Variants in COL4A1 observed in about 807,000 individuals in gnomAD.
The protein encoded by COL4A1 is collagen alpha-1(IV) chain.
COL4A1 carries 40 observed loss-of-function variants against 216.6 expected under a neutral mutation model. The observed-to-expected ratio is 0.18, with a 90% CI of 0.14 to 0.24. COL4A1 has a LOEUF of 0.24. COL4A1 is among the 10% of genes least tolerant of loss of function. COL4A1 has a pLI of 1.00. For synonymous variants in COL4A1, 839 were observed against 810.7 expected (o/e 1.03, Z -0.59); for missense variants, 1,628 against 2,196.8 (o/e 0.74, Z 5.18).
chr13:110,273,850 TC>T (rs1375425701), intron 1 of COL4A1, among the ~76,000 whole-genome samples: 2 of 152,220 alleles, frequency 1.3e-5, no homozygotes, highest in Non-Finnish European at 2.9e-5. Flanking sequence ...CAGACGCGCA[TC>T]TGCCAAAAGA....
intron 43 of COL4A1, 31 bp downstream of exon 43, chr13:110,169,598 A>G (rs1305299661): frequency 6.2e-7 from 1 of 1,613,396 alleles, no homozygotes; most frequent in African/African-American, 1.3e-5. Context: ...AGACTCCTTT[A>G]AAAATAAAAA....
At chr13:110,154,553 C>T (rs1876673723) in intron 50 of COL4A1, among the ~76,000 whole-genome samples, 3 of 152,238 alleles carry the variant, frequency 2.0e-5, no homozygotes, top group Admixed American at 2.0e-4. Flanking sequence ...TCCTCCTTTC[C>T]CTGAAAGAGG....
chr13:110,290,995 C>G (rs1262893112), intron 1 of COL4A1, among the ~76,000 whole-genome samples: 3 of 152,190 alleles, frequency 2.0e-5, no homozygotes, highest in African/African-American at 4.8e-5. Context: ...GCACTTGGAC[C>G]AGCACAGAGG....
chr13:110,267,354 C>G (rs1187976317), intron 1 of COL4A1, among the ~76,000 whole-genome samples: 1 of 152,204 alleles, frequency 6.6e-6, no homozygotes, highest in African/African-American at 2.4e-5. Flanking sequence ...ATGCCCAACT[C>G]AAGCTCACAA....
intron 2 of COL4A1, among the ~76,000 whole-genome samples, chr13:110,225,129 T>C (rs1473779793): frequency 2.0e-5 from 3 of 152,126 alleles, no homozygotes; most frequent in African/African-American, 7.2e-5. Flanking sequence ...ATCCTCTGAG[T>C]GGTTCCGTAG....
intron 2 of COL4A1, among the ~76,000 whole-genome samples, chr13:110,235,583 C>T (rs371499538): frequency 2.7e-5 from 4 of 148,692 alleles, no homozygotes; most frequent in African/African-American, 4.9e-5. Flanking sequence ...CCAGTGAACC[C>T]GGGAGGTGGA....
chr13:110,273,265 C>T (rs2139291884), intron 1 of COL4A1, among the ~76,000 whole-genome samples: 1 of 152,286 alleles, frequency 6.6e-6, no homozygotes, highest in East Asian at 1.9e-4. Flanking sequence ...AAGGTCCCTG[C>T]TAACGCGGGA....
At chr13:110,188,918 G>A (rs1878512673) in intron 24 of COL4A1, among the ~76,000 whole-genome samples, 1 of 152,170 alleles carries the variant, frequency 6.6e-6, no homozygotes, top group South Asian at 2.1e-4. Flanking sequence ...CCATCAAGCA[G>A]GCTTCCAGAA....
chr13:110,225,668 G>A (rs1305343673), intron 2 of COL4A1, among the ~76,000 whole-genome samples: 2 of 152,220 alleles, frequency 1.3e-5, no homozygotes, highest in South Asian at 4.1e-4. Context: ...AAATCTACAA[G>A]AGGGTGCAGA....
chr13:110,212,696 T>G, intron 4 of COL4A1, 78 bp from the exon 5 acceptor site: 1 of 1,530,576 alleles, frequency 6.5e-7, no homozygotes, highest in Non-Finnish European at 9.0e-7. Context: ...CCCCGGTTAA[T>G]GGAGTCATGC....
At position 110,164,994 on chromosome 13, in the gene COL4A1, T is replaced by C; in HGVS notation, c.4022-4A>G. 6.2e-7 allele frequency: 1 copy of C among 1,603,414 alleles called. No homozygotes were observed. The highest frequency in any genetic ancestry group is 8.5e-7 in the Non-Finnish European group (1 of 1,175,674). Reference sequence around the variant, plus strand: ...GGGCCAGGAGGACCCGGGAGACCTGTGGGAATAGGGAAGGCATTGATCAAT... The same window carrying C: ...GGGCCAGGAGGACCCGGGAGACCTGCGGGAATAGGGAAGGCATTGATCAAT... On this transcript the variant is annotated splice_polypyrimidine_tract_variant and splice_region_variant and intron_variant, in intron 45 of 51. Coordinates refer to ENST00000375820, the MANE Select transcript of COL4A1 (RefSeq NM_001845.6).
intron 49 of COL4A1, among the ~76,000 whole-genome samples, chr13:110,159,186 T>C (rs543229069): frequency 6.6e-6 from 1 of 152,324 alleles, no homozygotes; most frequent in Admixed American, 6.5e-5. Flanking sequence ...TTAGTGCGGA[T>C]AAACACTCAA....
chr13:110,227,451 AAGAG>A (rs893188921), intron 2 of COL4A1, among the ~76,000 whole-genome samples: 78 of 149,550 alleles, frequency 5.2e-4, no homozygotes, highest in African/African-American at 1.8e-3. Context: ...CAGAATCAGA[AAGAG>A]AGAGAGAAAC....
intron 1 of COL4A1, among the ~76,000 whole-genome samples, chr13:110,285,848 A>G (rs1883823969): frequency 6.6e-6 from 1 of 152,174 alleles, no homozygotes; most frequent in Admixed American, 6.5e-5. Context: ...TGTGTGAGTC[A>G]AGACCTTATA....
chr13:110,285,082 C>CT (rs1883785639), intron 1 of COL4A1, among the ~76,000 whole-genome samples: 1 of 152,238 alleles, frequency 6.6e-6, no homozygotes, highest in African/African-American at 2.4e-5. Context: ...AAAGAACACT[C>CT]TGAGCAGTGT....
chr13:110,197,954 C>T (rs576403856), intron 21 of COL4A1, among the ~76,000 whole-genome samples: 7 of 152,296 alleles, frequency 4.6e-5, no homozygotes, highest in South Asian at 4.1e-4. Flanking sequence ...TGGGACCACA[C>T]GGCCATCTTA....
At chr13:110,219,448 C>G (rs960001044) in intron 2 of COL4A1, among the ~76,000 whole-genome samples, 2 of 151,960 alleles carry the variant, frequency 1.3e-5, no homozygotes, top group African/African-American at 4.8e-5. Flanking sequence ...AAAAGCGTGG[C>G]TGCAAATCTG....
At chr13:110,227,156 G>A (rs1880769272) in intron 2 of COL4A1, among the ~76,000 whole-genome samples, 1 of 151,980 alleles carries the variant, frequency 6.6e-6, no homozygotes, top group Non-Finnish European at 1.5e-5. Flanking sequence ...ATCATTTCCT[G>A]CCTTTTTTTC....
At chr13:110,193,150 A>T (rs1207699129) in intron 22 of COL4A1, among the ~76,000 whole-genome samples, 1 of 152,250 alleles carries the variant, frequency 6.6e-6, no homozygotes, top group African/African-American at 2.4e-5. Flanking sequence ...GTCACGTGTG[A>T]CCACAGACGC....
Sources: allele counts gnomAD v4.1 joint callset (sites outside exome capture counted in the v4.1 genomes callset), GRCh38; gene constraint gnomAD v4.1.1; transcripts MANE v1.5; gene names NCBI Gene and HGNC (gene_info 2026-07-23, HGNC 2026-07-21).